The following PIEZO1 variants were observed in gnomAD, a reference collection of about 807,000 sequenced individuals.
PIEZO1 encodes the protein piezo-type mechanosensitive ion channel component 1.
A neutral mutation model predicts 297.2 loss-of-function variants in PIEZO1; 296 were observed. The observed-to-expected ratio is 1.00, with a 90% CI of 0.91 to 1.10. The LOEUF is 1.10. PIEZO1 is among the 50% of genes least tolerant of loss of function. PIEZO1 has a pLI of 0.00. For missense variants in PIEZO1, 5,018 were observed against 3,455.5 expected (o/e 1.45, Z -11.34); for synonymous variants, 2,427 against 1,507.5 (o/e 1.61, Z -14.13).
At chr16:88,784,829 C>T (rs1597494971) in intron 1 of PIEZO1, 72 bp downstream of exon 1, 3 of 1,129,442 alleles carry the variant, frequency 2.7e-6, no homozygotes, top group South Asian at 1.6e-5. Context: ...CCGGCGTCGT[C>T]CGGTGTCCAG....
chr16:88,757,482 G>C (rs13330849), intron 1 of PIEZO1, among the ~76,000 whole-genome samples: 6,588 of 151,958 alleles, frequency 0.043, 360 homozygotes, highest in African/African-American at 0.12. Flanking sequence ...ACAGGAGAGG[G>C]ACAGGTGCTT....
rs977538061 is a variant in PIEZO1 at position 88,741,564 on chromosome 16, C to G, written c.379G>C (p.Gly127Arg). Residue 127 changes from glycine (G) to arginine (R), a missense_variant, in exon 5 of 51, where the codon GGC (glycine) becomes CGC (arginine). Coordinates refer to ENST00000301015, the MANE Select transcript of PIEZO1 (RefSeq NM_001142864.4). ...CAGACAGAGGAGACCACCAAGATGCCCAGGTCAGGGGCCACCAGCCGGATG... is the reference window on the plus strand; with the variant it reads ...CAGACAGAGGAGACCACCAAGATGCGCAGGTCAGGGGCCACCAGCCGGATG... ...NAIRLVAPDL[G>R]ILVVSSVCLG... is the part of the protein sequence containing the mutation. 3.3e-6 allele frequency: 5 copies of G among 1,535,764 alleles called. No individual in the cohort carries two copies. The highest frequency in any genetic ancestry group is 4.4e-6 in the Non-Finnish European group (5 of 1,146,800).
intron 2 of PIEZO1, chr16:88,743,294 C>G (rs1019482300): frequency 2.2e-6 from 1 of 456,322 alleles, no homozygotes; most frequent in Non-Finnish European, 4.4e-6. Context: ...GGGGTCCGGA[C>G]CAAAGTCCTT....
intron 1 of PIEZO1, among the ~76,000 whole-genome samples, chr16:88,761,771 C>T (rs1906945140): frequency 3.3e-5 from 5 of 152,062 alleles, no homozygotes; most frequent in Admixed American, 3.3e-4. Flanking sequence ...CCCCTCCCTC[C>T]CAGGGCCTGT....
intron 1 of PIEZO1, among the ~76,000 whole-genome samples, chr16:88,754,914 C>T (rs376051797): frequency 1.1e-3 from 163 of 152,356 alleles, no homozygotes; most frequent in African/African-American, 3.3e-3. Context: ...CGTGCCGTCC[C>T]GCTCCACGCC....
At position 88,742,358 on chromosome 16, in the gene PIEZO1, G is replaced by A. The variant is rs750863512; in HGVS notation, c.225C>T (p.Leu75=). The A allele has an allele frequency of 1.6e-5, 25 of 1,535,288 alleles. No homozygotes were observed. Among genetic ancestry groups the A allele is most frequent in the Non-Finnish European group, 2.2e-5 (25 of 1,146,594 alleles). Residue 75 remains leucine, a synonymous_variant, in exon 3 of 51, where the codon CTC becomes CTT. Transcript: ENST00000301015. ...CAATATGCAGGCAGATCTGGAGGGC[G>A]AGATGGGCCACCAGGAAGAGCAGGC... ...GLSLLFLVAH[L]ALQICLHIVP...
At chr16:88,773,379 G>A (rs1192900048) in intron 1 of PIEZO1, among the ~76,000 whole-genome samples, 3 of 152,274 alleles carry the variant, frequency 2.0e-5, no homozygotes, top group African/African-American at 7.2e-5. Context: ...AGGGGGAGGG[G>A]CCTTGCCCGA....
chr16:88,736,946 T>G (rs1430064891), intron 10 of PIEZO1: 2 of 461,636 alleles, frequency 4.3e-6, no homozygotes, highest in Non-Finnish European at 7.7e-6. Context: ...TGCCGTTCTC[T>G]GGGCCTCACT....
chr16:88,723,428 C>A, intron 31 of PIEZO1, 100 bp from the exon 32 acceptor site: 1 of 1,348,394 alleles, frequency 7.4e-7, no homozygotes, highest in Non-Finnish European at 1.0e-6. Context: ...CAGATCCCTG[C>A]TCTGTGTCTC....
chr16:88,747,199 C>G (rs1329089789), intron 2 of PIEZO1, among the ~76,000 whole-genome samples: 1 of 151,584 alleles, frequency 6.6e-6, no homozygotes, highest in Non-Finnish European at 1.5e-5. Context: ...CCACTGCTCT[C>G]CAGCCTGGGC....
At chr16:88,745,262 C>T (rs968426579) in intron 2 of PIEZO1, 1 of 152,228 alleles carries the variant, frequency 6.6e-6, no homozygotes, top group Non-Finnish European at 1.5e-5. Context: ...CCTTTCCATC[C>T]TGGGAAAGGG....
rs897963232 is a variant in PIEZO1, at chr16:88,738,664, G to A, written c.538C>T (p.Arg180Trp). 7.2e-6 allele frequency: 11 copies of A among 1,535,610 alleles called. No individual in the cohort carries two copies. Among genetic ancestry groups the A allele is most frequent in the Non-Finnish European group, 8.7e-6 (10 of 1,146,668 alleles). ...AAACGAGCGGCCAGCCGTGACCTCC[G>A]TGTAGGGGCCAGCGTTGCTGCTTCC... ...LQEAATLAPT[R>W]RSRLAARFRV... Residue 180 changes from arginine (R) to tryptophan (W), a missense_variant, in exon 6 of 51, where the codon CGG becomes TGG. Transcript: ENST00000301015.
chr16:88,736,668 T>G lies in PIEZO1; in HGVS notation c.1267A>C (p.Ser423Arg). 1 of 1,532,732 alleles carries G rather than the reference T, an allele frequency of 6.5e-7. No individual in the cohort carries two copies. The highest frequency in any genetic ancestry group is 8.7e-7 in the Non-Finnish European group (1 of 1,145,820). The allele number at this position is 1,532,732 out of a possible 1,614,324, so 94.9% of individuals were successfully genotyped here. Residue 423 changes from serine (S) to arginine (R), a missense_variant, in exon 11 of 51, where the codon AGC becomes CGC. Coordinates refer to ENST00000301015, the MANE Select transcript of PIEZO1 (RefSeq NM_001142864.4). Reference sequence around the variant, plus strand: ...ATGGCAATGAGCGCGCACACATAGCTCTGGTCCATGATGAGGTGGCCCAGG... The same window carrying G: ...ATGGCAATGAGCGCGCACACATAGCGCTGGTCCATGATGAGGTGGCCCAGG... ...HSLGHLIMDQ[S>R]YVCALIAMMV...
chr16:88,766,352 TGACAGCCAGC>T (rs1349764713), intron 1 of PIEZO1, among the ~76,000 whole-genome samples: 2 of 152,202 alleles, frequency 1.3e-5, no homozygotes, highest in Non-Finnish European at 1.5e-5. Flanking sequence ...CAGCGGCTCT[TGACAGCCAGC>T]GCGCCCTGCG....
At position 88,716,717 on chromosome 16, in the gene PIEZO1, G is replaced by A; in HGVS notation, c.6768C>T (p.Phe2256=). 1 of 1,548,198 alleles carries A rather than the reference G, an allele frequency of 6.5e-7. No individual in the cohort carries two copies. The highest frequency in any genetic ancestry group is 1.2e-5 in the South Asian group (1 of 84,048). The part of the protein sequence containing the change: ...QFDPQPLAMQ[F]ISQYSPEDIV... Reference sequence around the variant, plus strand: ...TGTCCTCAGGGCTGTACTGGCTGATGAACTGCATGGCCAGCTGGGTACAAG... The same window carrying A: ...TGTCCTCAGGGCTGTACTGGCTGATAAACTGCATGGCCAGCTGGGTACAAG... Residue 2256 remains phenylalanine, a synonymous_variant, in exon 47 of 51, where the codon TTC becomes TTT. Transcript: ENST00000301015.
rs1460570321 is a variant in PIEZO1 at position 88,733,607 on chromosome 16, A to G, written c.2468T>C (p.Val823Ala). The change falls in exon 18 of 51, where the codon GTC becomes GCC. Residue 823 changes from valine to alanine, a missense_variant. Val to Ala is a moderately conservative substitution (Grantham distance 64, BLOSUM62 0). Coordinates refer to ENST00000301015, the MANE Select transcript of PIEZO1 (RefSeq NM_001142864.4). ...ACTCACCTCCTTCAGGGCCACCCAG[A>G]CGGTGTACAGGGCCACCAGCTTGAA... The part of the protein sequence containing the change: ...HVFKLVALYT[V>A]WVALKEVSVM... 4 of 1,547,304 alleles carry G rather than the reference A, an allele frequency of 2.6e-6. No individual in the cohort carries two copies. Among genetic ancestry groups the G allele is most frequent in the Non-Finnish European group, 2.6e-6 (3 of 1,144,962 alleles).
In PIEZO1 at chr16:88,742,019, G is replaced by C. The variant is rs766017717; in HGVS notation, c.326+34C>G. ...CTGGGGCCTGAAATCCCCAAGGGAG[G>C]CTTGCTGGTTGGGGGTGGGAGGAAT... On this transcript the variant is annotated intron_variant, in intron 4 of 50. Transcript: ENST00000301015. 31 of 1,533,868 alleles carry C rather than the reference G, an allele frequency of 2.0e-5. No individual in the cohort carries two copies. In the South Asian group the frequency reaches 3.0e-4, roughly 15 times the overall value.
At chr16:88,728,861 C>G (rs1280397656) in intron 22 of PIEZO1, among the ~76,000 whole-genome samples, 18 of 13,734 alleles carry the variant, frequency 1.3e-3, no homozygotes, top group Admixed American at 1.5e-3. Flanking sequence ...GAACTCACAG[C>G]CCCATCTGCC....
intron 10 of PIEZO1, 99 bp downstream of exon 10, chr16:88,737,460 G>C: frequency 2.5e-6 from 2 of 789,028 alleles, no homozygotes; most frequent in South Asian, 1.8e-5. Flanking sequence ...CAGAGGTGCG[G>C]CGCGAGCATG....
Sources: gnomAD v4.1 joint callset for allele counts (sites outside exome capture counted in the v4.1 genomes callset) on GRCh38, gnomAD v4.1.1 for gene constraint, MANE v1.5 for transcripts, NCBI Gene and HGNC (gene_info 2026-07-23, HGNC 2026-07-21) for gene names.